SLC24A3: variants seen among roughly 807,000 people sequenced by gnomAD.
SLC24A3 encodes the protein solute carrier family 24 member 3, also known as sodium/potassium/calcium exchanger 3.
In SLC24A3, 28 loss-of-function variants were observed where a neutral mutation model predicts 75.8. That is an observed-to-expected ratio of 0.37 (90% CI 0.27 to 0.51). SLC24A3 has a LOEUF of 0.51. SLC24A3 is among the 20% of genes least tolerant of loss of function. SLC24A3 has a pLI of 0.94. For missense variants in SLC24A3, 663 were observed against 847.8 expected (o/e 0.78, Z 2.71); for synonymous variants, 372 against 334.1 (o/e 1.11, Z -1.24).
At chr20:19,500,364 A>G (rs921064444) in intron 2 of SLC24A3, among the ~76,000 whole-genome samples, 1 of 152,126 alleles carries the variant, frequency 6.6e-6, no homozygotes, top group African/African-American at 2.4e-5. Flanking sequence ...TGCTGCTTCT[A>G]TCTTCAGATT....
intron 2 of SLC24A3, among the ~76,000 whole-genome samples, chr20:19,418,544 A>G (rs540909042): frequency 7.9e-5 from 12 of 152,200 alleles, no homozygotes; most frequent in African/African-American, 2.6e-4. Context: ...ACAAAACAAA[A>G]AACAGTAAAT....
At chr20:19,292,808 C>G (rs144699865) in intron 2 of SLC24A3, among the ~76,000 whole-genome samples, 1,682 of 152,330 alleles carry the variant, frequency 0.011, 15 homozygotes, top group Non-Finnish European at 0.016. Context: ...TCTTACAGTT[C>G]TGGAAGCTGG....
chr20:19,484,751 GC>G (rs1440656393), intron 2 of SLC24A3, among the ~76,000 whole-genome samples: 1 of 152,136 alleles, frequency 6.6e-6, no homozygotes, highest in African/African-American at 2.4e-5. Context: ...AAAATGTTCT[GC>G]CTAGTGGCTG....
chr20:19,378,111 G>A (rs1986117757), intron 2 of SLC24A3, among the ~76,000 whole-genome samples: 1 of 152,104 alleles, frequency 6.6e-6, no homozygotes, highest in African/African-American at 2.4e-5. Context: ...ATCTGTGTGG[G>A]TGGAGGTTTT....
chr20:19,338,259 C>T (rs1229642837), intron 2 of SLC24A3, among the ~76,000 whole-genome samples: 3 of 152,212 alleles, frequency 2.0e-5, no homozygotes, highest in Non-Finnish European at 2.9e-5. Flanking sequence ...GAGCCTCTGA[C>T]ATGGCAGGAG....
At chr20:19,494,066 G>A (rs1988245611) in intron 2 of SLC24A3, among the ~76,000 whole-genome samples, 1 of 152,218 alleles carries the variant, frequency 6.6e-6, no homozygotes, top group East Asian at 1.9e-4. Flanking sequence ...TGGAGGGGGA[G>A]AGGGTCTGTG....
At chr20:19,378,388 C>T (rs961876702) in intron 2 of SLC24A3, among the ~76,000 whole-genome samples, 1 of 152,140 alleles carries the variant, frequency 6.6e-6, no homozygotes, top group Non-Finnish European at 1.5e-5. Context: ...CTGTTTTAAA[C>T]TCCAAGCTAC....
Position 19,592,980 on chromosome 20 carries a change from G to A in SLC24A3, c.612+7436G>A, listed in dbSNP as rs1050895272. ...CTGGCTAATTTTTGTATTTTTAGTA[G>A]GGACAGGGTTTCGCCATGTTAGTCA... is the stretch of plus-strand genomic sequence containing the variant. On this transcript the variant is annotated intron_variant, in intron 6 of 16. Coordinates refer to ENST00000328041, the MANE Select transcript of SLC24A3 (RefSeq NM_020689.4). 2.6e-5 allele frequency among the ~76,000 whole-genome samples: 4 copies of A among 152,040 alleles called. No homozygotes were observed. In the South Asian group the frequency reaches 8.3e-4, roughly 32 times the overall value.
At chr20:19,375,352 T>C (rs894174886) in intron 2 of SLC24A3, among the ~76,000 whole-genome samples, 2 of 152,166 alleles carry the variant, frequency 1.3e-5, no homozygotes, top group Non-Finnish European at 2.9e-5. Context: ...TTTCTTTCTT[T>C]TACTCTGGGA....
chr20:19,509,097 G>A (rs777289423), intron 2 of SLC24A3, among the ~76,000 whole-genome samples: 6 of 152,138 alleles, frequency 3.9e-5, no homozygotes, highest in Admixed American at 2.0e-4. Context: ...GAAGCATGGC[G>A]GTAGGTATTT....
At chr20:19,292,886 C>T (rs775308712) in intron 2 of SLC24A3, among the ~76,000 whole-genome samples, 2 of 152,190 alleles carry the variant, frequency 1.3e-5, no homozygotes, top group Non-Finnish European at 2.9e-5. Context: ...TCATGGTTAG[C>T]GCCTTCTTAC....
intron 2 of SLC24A3, among the ~76,000 whole-genome samples, chr20:19,470,024 G>A (rs577046928): frequency 5.3e-5 from 8 of 152,256 alleles, no homozygotes; most frequent in African/African-American, 9.6e-5. Context: ...CTTGAGAACC[G>A]CCGGCAAGCT....
chr20:19,391,234 T>C (rs905984614), intron 2 of SLC24A3, among the ~76,000 whole-genome samples: 3 of 152,220 alleles, frequency 2.0e-5, no homozygotes, highest in South Asian at 2.1e-4. Context: ...TTCTCTTTTT[T>C]TATTTCCCAA....
chr20:19,514,899 G>A (rs553611493), intron 2 of SLC24A3, among the ~76,000 whole-genome samples: 38 of 152,150 alleles, frequency 2.5e-4, no homozygotes, highest in Non-Finnish European at 4.7e-4. Context: ...AATAGCACAC[G>A]AGGCCCACAC....
chr20:19,559,016 G>A (rs1421776268), intron 3 of SLC24A3, among the ~76,000 whole-genome samples: 1 of 152,222 alleles, frequency 6.6e-6, no homozygotes, highest in Non-Finnish European at 1.5e-5. Flanking sequence ...TGCCATGTAA[G>A]TATAGGTTGA....
At chr20:19,379,597 C>T (rs531214769) in intron 2 of SLC24A3, among the ~76,000 whole-genome samples, 1 of 152,218 alleles carries the variant, frequency 6.6e-6, no homozygotes, top group South Asian at 2.1e-4. Context: ...GGTGCACACC[C>T]CCAGTTACCT....
chr20:19,292,222 G>C (rs1163915583), intron 2 of SLC24A3, among the ~76,000 whole-genome samples: 1 of 152,196 alleles, frequency 6.6e-6, no homozygotes, highest in East Asian at 1.9e-4. Flanking sequence ...CAGTCCCTGA[G>C]TGGATGCCCA....
chr20:19,532,606 G>A (rs1452646916), intron 3 of SLC24A3, among the ~76,000 whole-genome samples: 1 of 152,220 alleles, frequency 6.6e-6, no homozygotes, highest in Non-Finnish European at 1.5e-5. Context: ...GCTACCTTTG[G>A]CAAGCACTCC....
intron 2 of SLC24A3, among the ~76,000 whole-genome samples, chr20:19,349,389 C>T (rs1036688416): frequency 2.0e-5 from 3 of 152,102 alleles, no homozygotes; most frequent in East Asian, 1.9e-4. Context: ...ATCTCTTAGG[C>T]GTTACTACTT....
Sources: allele counts gnomAD v4.1 joint callset (sites outside exome capture counted in the v4.1 genomes callset), GRCh38; gene constraint gnomAD v4.1.1; transcripts MANE v1.5; gene names NCBI Gene and HGNC (gene_info 2026-07-23, HGNC 2026-07-21).